The following CNTNAP5 variants were observed in gnomAD, a reference collection of about 807,000 sequenced individuals.
CNTNAP5 encodes contactin-associated protein-like 5.
Under a neutral mutation model 150.2 loss-of-function variants are expected in CNTNAP5, and 72 were observed. That is an observed-to-expected ratio of 0.48 (90% CI 0.40 to 0.58). CNTNAP5 has a LOEUF of 0.58. Ranked by LOEUF, CNTNAP5 falls within the 20% of genes least tolerant of loss-of-function variation. CNTNAP5 has a pLI of 0.00. For synonymous variants in CNTNAP5, 672 were observed against 619.8 expected, an observed-to-expected ratio of 1.08 and a Z score of -1.25; for missense variants, 1,636 against 1,626.2, an observed-to-expected ratio of 1.01 and a Z score of -0.10.
At chr2:124,358,739 C>A (rs941617417) in intron 3 of CNTNAP5, among the ~76,000 whole-genome samples, 1 of 151,874 alleles carries the variant, frequency 6.6e-6, no homozygotes, top group Admixed American at 6.5e-5. Context: ...CATCAATGTT[C>A]ATCAAGTATA....
At chr2:124,357,026 G>A (rs1238461140) in intron 3 of CNTNAP5, among the ~76,000 whole-genome samples, 1 of 152,180 alleles carries the variant, frequency 6.6e-6, no homozygotes, top group African/African-American at 2.4e-5. Context: ...GTATCTCATT[G>A]TGGTTTTGCT....
At chr2:124,341,019 A>G (rs1482743855) in intron 3 of CNTNAP5, among the ~76,000 whole-genome samples, 1 of 151,752 alleles carries the variant, frequency 6.6e-6, no homozygotes, top group Non-Finnish European at 1.5e-5. Context: ...TCCAGGCTGC[A>G]GTGAGCTATG....
At chr2:124,895,174 C>A (rs928282260) in intron 21 of CNTNAP5, among the ~76,000 whole-genome samples, 1 of 151,478 alleles carries the variant, frequency 6.6e-6, no homozygotes, top group African/African-American at 2.4e-5. Context: ...ATCTACCTAT[C>A]ATCTATCTAT....
chr2:124,871,074 T>G (rs530401358), intron 21 of CNTNAP5, among the ~76,000 whole-genome samples: 1 of 152,000 alleles, frequency 6.6e-6, no homozygotes, highest in African/African-American at 2.4e-5. Context: ...TTCACAGTCC[T>G]AATAATAATC....
intron 1 of CNTNAP5, among the ~76,000 whole-genome samples, chr2:124,208,431 C>T (rs1363146898): frequency 1.3e-5 from 2 of 152,210 alleles, no homozygotes; most frequent in Non-Finnish European, 2.9e-5. Context: ...ACATTCAGGT[C>T]TTCTTTCCAA....
At chr2:124,532,978 G>C (rs983105644) in intron 10 of CNTNAP5, among the ~76,000 whole-genome samples, 2 of 152,016 alleles carry the variant, frequency 1.3e-5, no homozygotes, top group African/African-American at 4.8e-5. Flanking sequence ...AACCCCCACT[G>C]TTGCAAGTGA....
At chr2:124,770,852 A>G (rs1681174584) in intron 16 of CNTNAP5, among the ~76,000 whole-genome samples, 1 of 152,252 alleles carries the variant, frequency 6.6e-6, no homozygotes, top group African/African-American at 2.4e-5. Flanking sequence ...TAACTTTATC[A>G]GGATTCGTGT....
At chr2:124,904,318 T>C (rs1367621580) in intron 22 of CNTNAP5, among the ~76,000 whole-genome samples, 1 of 152,170 alleles carries the variant, frequency 6.6e-6, no homozygotes, top group South Asian at 2.1e-4. Context: ...TCTTTTTTAA[T>C]GCTGAAAATT....
intron 3 of CNTNAP5, among the ~76,000 whole-genome samples, chr2:124,391,910 C>T (rs61596253): frequency 0.01 from 1,533 of 152,072 alleles, 29 homozygotes; most frequent in African/African-American, 0.033. Flanking sequence ...GAGCCGAGAT[C>T]GCGCCACTGC....
intron 1 of CNTNAP5, among the ~76,000 whole-genome samples, chr2:124,107,026 A>G (rs1321912882): frequency 1.3e-5 from 2 of 151,500 alleles, no homozygotes; most frequent in Non-Finnish European, 3.0e-5. Flanking sequence ...CTGAAGCACC[A>G]GTGTGGTGGA....
At chr2:124,099,029 G>A (rs1267870567) in intron 1 of CNTNAP5, among the ~76,000 whole-genome samples, 4 of 152,060 alleles carry the variant, frequency 2.6e-5, no homozygotes, top group African/African-American at 9.7e-5. Flanking sequence ...TTAAGCCCAA[G>A]CTCCTTTGTG....
chr2:124,843,449 C>T (rs1682984781), intron 19 of CNTNAP5, among the ~76,000 whole-genome samples: 1 of 152,132 alleles, frequency 6.6e-6, no homozygotes, highest in African/African-American at 2.4e-5. Flanking sequence ...CATATTTTTG[C>T]AATTGCAAAT....
intron 3 of CNTNAP5, among the ~76,000 whole-genome samples, chr2:124,292,136 T>C: frequency 6.6e-6 from 1 of 152,142 alleles, no homozygotes; most frequent in Non-Finnish European, 1.5e-5. Context: ...CTAGAACAAC[T>C]TGAAAAATTA....
rs183895549 is a variant in CNTNAP5 at position 124,273,636 on chromosome 2, C to G, written c.381+31243C>G. ...TGGAAAGGAACAAAGGGAGTGTCCC[C>G]CTTAACCCCGACCTGCTAAGCTGTA... On this transcript the variant is annotated intron_variant, in intron 3 of 23. Coordinates refer to ENST00000682447, the MANE Select transcript of CNTNAP5 (RefSeq NM_001367498.1). Among the ~76,000 whole-genome samples, 15 of 152,256 alleles carry G rather than the reference C, an allele frequency of 9.9e-5. No homozygotes were observed. In the South Asian group the frequency reaches 2.3e-3, roughly 23 times the overall value.
At chr2:124,598,998 C>G (rs557828585) in intron 11 of CNTNAP5, among the ~76,000 whole-genome samples, 94 of 152,136 alleles carry the variant, frequency 6.2e-4, no homozygotes, top group African/African-American at 2.0e-3. Flanking sequence ...CGCCCTGCTT[C>G]GGCTCACGCA....
intron 1 of CNTNAP5, among the ~76,000 whole-genome samples, chr2:124,118,043 T>C (rs1236123680): frequency 2.0e-5 from 3 of 152,174 alleles, no homozygotes; most frequent in Admixed American, 2.0e-4. Flanking sequence ...AATTCTTACA[T>C]GCAGTAAAGC....
rs776682243 is a variant in CNTNAP5, at chr2:124,869,806, A to G, written c.3436+44A>G. The G allele has an allele frequency of 6.9e-6, 8 of 1,164,010 alleles. No individual in the cohort carries two copies. In the Admixed American group the frequency reaches 1.3e-4, roughly 18 times the overall value. The allele number at this position is 1,164,010 out of a possible 1,614,324, so 72.1% of individuals were successfully genotyped here. Reference sequence around the variant, plus strand: ...TACCTTTCCAGTGGGCTTTATTAAAATAAATGAATGCATAATTTTCATTAG... The same window carrying G: ...TACCTTTCCAGTGGGCTTTATTAAAGTAAATGAATGCATAATTTTCATTAG... On this transcript the variant is annotated intron_variant, in intron 21 of 23. Transcript: ENST00000682447.
At chr2:124,158,968 C>G (rs2104646015) in intron 1 of CNTNAP5, among the ~76,000 whole-genome samples, 1 of 152,310 alleles carries the variant, frequency 6.6e-6, no homozygotes, top group South Asian at 2.1e-4. Flanking sequence ...AGTTCAACTT[C>G]TAGTCTGTCT....
chr2:124,435,846 G>C (rs894688288), intron 5 of CNTNAP5, among the ~76,000 whole-genome samples: 9 of 152,134 alleles, frequency 5.9e-5, no homozygotes, highest in African/African-American at 2.2e-4. Flanking sequence ...GTAGCAGAAA[G>C]AATCTCTAGA....
Sources: gnomAD v4.1 joint callset for allele counts (sites outside exome capture counted in the v4.1 genomes callset) on GRCh38, gnomAD v4.1.1 for gene constraint, MANE v1.5 for transcripts, NCBI Gene and HGNC (gene_info 2026-07-23, HGNC 2026-07-21) for gene names.